Variants in ZNF692 observed in about 807,000 individuals in gnomAD.
The protein encoded by ZNF692 is AICAR responsive element binding protein.
Under a neutral mutation model 49.0 loss-of-function variants are expected in ZNF692, and 41 were observed. The observed-to-expected ratio is 0.84, with a 90% CI of 0.65 to 1.08. The LOEUF (loss-of-function observed/expected upper bound fraction) is 1.08. Among genes scored for constraint, ZNF692 ranks in the 50% least tolerant of loss-of-function variants. The pLI, the probability that ZNF692 is intolerant of heterozygous loss-of-function variation, is 0.00. For synonymous variants in ZNF692, 288 were observed against 251.5 expected, an observed-to-expected ratio of 1.15 and a Z score of -1.37; for missense variants, 662 against 662.2, an observed-to-expected ratio of 1.00 and a Z score of 0.00.
At position 248,858,658 on chromosome 1, in the gene ZNF692, T is replaced by C; in HGVS notation, c.-13+260A>G. 1 of 1,111,570 alleles carries C rather than the reference T, an allele frequency of 9.0e-7. No homozygotes were observed. The allele number at this position is 1,111,570 out of a possible 1,614,324, so 68.9% of individuals were successfully genotyped here. On this transcript the variant is annotated intron_variant, in intron 1 of 11. Transcript: ENST00000306601. The surrounding 1 kb of genome is among the most constrained non-coding windows in gnomAD (Gnocchi z 4.3). ...AACTGGGCTGGGGGCGGTCCACACA[T>C]TTCATCTTGAATAGGGCAGCGGCCT...
At chr1:248,857,094 G>T in intron 4 of ZNF692, 140 bp downstream of exon 4, 1 of 888,372 alleles carries the variant, frequency 1.1e-6, no homozygotes, top group Non-Finnish European at 1.7e-6. Context: ...ATGCCCAACA[G>T]TGTATTTGAT....
rs1558263303 is a variant in ZNF692, at chr1:248,858,492, G to C, written c.-12-171C>G. 1 of 1,551,760 alleles carries C rather than the reference G, an allele frequency of 6.4e-7. No individual in the cohort carries two copies. Among genetic ancestry groups the C allele is most frequent in the Middle Eastern group, 1.7e-4 (1 of 5,992 alleles). On this transcript the variant is annotated intron_variant, in intron 1 of 11. Coordinates refer to ENST00000306601, the MANE Select transcript of ZNF692 (RefSeq NM_017865.4). The surrounding 1 kb of genome is among the most constrained non-coding windows in gnomAD (Gnocchi z 4.3). ...AAACCCCGTCCTTCTATGATACAGG[G>C]TGTTGAAGCTCAGCGCTACCATGTG...
At chr1:248,851,079 C>T in intron 10 of ZNF692, 1 of 550,178 alleles carries the variant, frequency 1.8e-6, no homozygotes, top group Non-Finnish European at 3.5e-6. Context: ...CCCACCTCAG[C>T]CTCTAGGCTG....
At position 248,854,046 on chromosome 1, in the gene ZNF692, G is replaced by C; in HGVS notation, c.1044C>G (p.His348Gln). 1.2e-6 allele frequency: 2 copies of C among 1,613,904 alleles called. No individual in the cohort carries two copies. The highest frequency in any genetic ancestry group is 1.7e-6 in the Non-Finnish European group (2 of 1,179,780). The change falls in exon 10 of 12, where the codon CAC becomes CAG. Residue 348 changes from histidine (H) to glutamine (Q), a missense_variant. By Grantham distance (24) the His-to-Gln change is conservative. Transcript: ENST00000306601. ...IFSNRQYLNH[H>Q]KKYQHIHQKS... ...TCTGGTGGATGTGCTGGTACTTTTT[G>C]TGGTGCTAGAGAAGGAAGTGGGTGG... is the stretch of plus-strand genomic sequence containing the variant.
chr1:248,851,717 C>T (rs944544886), intron 10 of ZNF692, among the ~76,000 whole-genome samples: 17 of 152,176 alleles, frequency 1.1e-4, no homozygotes, highest in African/African-American at 3.6e-4. Flanking sequence ...CCCTCCTCAG[C>T]CACCAGTCTC....
Position 248,850,269 on chromosome 1 carries a change from T to C in ZNF692, c.1501A>G (p.Ser501Gly). ...GATGCAGAGGGCCTGGACCCCTCGC[T>C]GGATCCCAGAGGCCCAGGGGCAGAG... Reference protein sequence around the residue: ...SISAPGPLGSSEGSRPSASPQ... With the variant: ...SISAPGPLGSGEGSRPSASPQ... The change falls in exon 12 of 12, where the codon AGC (serine) becomes GGC (glycine). Residue 501 changes from serine (S) to glycine (G), a missense_variant. By Grantham distance (56) the Ser-to-Gly change is moderately conservative. Coordinates refer to ENST00000306601, the MANE Select transcript of ZNF692 (RefSeq NM_017865.4). 1 of 1,599,746 alleles carries C rather than the reference T, an allele frequency of 6.3e-7. No individual in the cohort carries two copies. The highest frequency in any genetic ancestry group is 8.5e-7 in the Non-Finnish European group (1 of 1,171,444).
At chr1:248,853,759 A>G (rs186103303) in intron 10 of ZNF692, among the ~76,000 whole-genome samples, 178 bp downstream of exon 10, 1 of 152,344 alleles carries the variant, frequency 6.6e-6, no homozygotes, top group Admixed American at 6.5e-5. Flanking sequence ...TGCTCAACAC[A>G]CAGGGCATAC....
chr1:248,855,109 A>G (rs1473557080), intron 9 of ZNF692, among the ~76,000 whole-genome samples: 1 of 152,188 alleles, frequency 6.6e-6, no homozygotes, highest in Non-Finnish European at 1.5e-5. Flanking sequence ...ATGGACTCTG[A>G]AGCCAGGCCA....
At chr1:248,852,814 C>T (rs1659752906) in intron 10 of ZNF692, among the ~76,000 whole-genome samples, 1 of 152,184 alleles carries the variant, frequency 6.6e-6, no homozygotes, top group Non-Finnish European at 1.5e-5. Context: ...CACTACTCAC[C>T]TGACCTGCCC....
At position 248,850,402 on chromosome 1, in the gene ZNF692, G is replaced by A; in HGVS notation, c.1368C>T (p.Arg456=). 2 of 1,614,192 alleles carry A rather than the reference G, an allele frequency of 1.2e-6. No individual in the cohort carries two copies. The highest frequency in any genetic ancestry group is 1.7e-6 in the Non-Finnish European group (2 of 1,180,030). ...CTGCAACACTGTCTGGCTTCTCAAA[G>A]CGCTTGCCGCAGAATTCACAGGGGA... ...LRFPCEFCGK[R]FEKPDSVAAH... Residue 456 remains arginine (R), a synonymous_variant, in exon 12 of 12, where the codon CGC becomes CGT. Transcript: ENST00000306601.
rs560193595 is a variant in ZNF692 at position 248,850,303 on chromosome 1, A to G, written c.1467T>C (p.Cys489=). The change falls in exon 12 of 12, where the codon TGT becomes TGC. Residue 489 remains cysteine (C), a synonymous_variant. Transcript: ENST00000306601. ...GAGGCCCAGGGGCAGAGATGCTGGG[A>G]CAGGGCTCTAGGGGACCACTGGGTG... is the stretch of plus-strand genomic sequence containing the variant. ...QESPSGPLEP[C]PSISAPGPLG... 3.7e-6 allele frequency: 6 copies of G among 1,612,532 alleles called. No homozygotes were observed. Among genetic ancestry groups the G allele is most frequent in the Admixed American group, 1.7e-5 (1 of 59,880 alleles).
chr1:248,857,210 T>A (rs769673213), intron 4 of ZNF692, 24 bp downstream of exon 4: 1 of 1,599,396 alleles, frequency 6.3e-7, no homozygotes, highest in Non-Finnish European at 8.5e-7. Context: ...CTTTTCTCCA[T>A]AACTCTGCTT....
rs924999726 is a variant in ZNF692 at position 248,858,260 on chromosome 1, C to G, written c.50G>C (p.Arg17Pro). The change falls in exon 2 of 12, where the codon CGG becomes CCG. Residue 17 changes from arginine to proline, a missense_variant. Arg to Pro is a moderately radical substitution (Grantham distance 103). Transcript: ENST00000306601. The surrounding 1 kb of genome is among the most constrained non-coding windows in gnomAD (Gnocchi z 4.3). ...VDVSCRRREK[R>P]RQLDARRSKC... is the part of the protein sequence containing the mutation. ...GCTGCGGCGCGCGTCCAGCTGCCGC[C>G]GCTTCTCCCGCCGCCTGCAGGACAC... The G allele has an allele frequency of 1.9e-6, 3 of 1,581,362 alleles. No individual in the cohort carries two copies. The highest frequency in any genetic ancestry group is 2.3e-5 in the South Asian group (2 of 88,616).
intron 7 of ZNF692, 33 bp from the exon 8 acceptor site, chr1:248,855,668 G>A (rs1018346979): frequency 3.1e-6 from 5 of 1,614,028 alleles, no homozygotes; most frequent in African/African-American, 1.3e-5. Context: ...AGAGGGCCTC[G>A]AGGGAGGGCC....
Position 248,850,083 on chromosome 1 carries a change from C to A in ZNF692, c.*127G>T, listed in dbSNP as rs556030613. ...CTCCCCTACAGCCCAGTCTTGCCCC[C>A]ACCCTGCACTCTGTCGCCTTAGTTC... On this transcript the variant is annotated 3_prime_UTR_variant, in exon 12 of 12. Coordinates refer to ENST00000306601, the MANE Select transcript of ZNF692 (RefSeq NM_017865.4). The A allele has an allele frequency of 2.4e-5, 26 of 1,075,358 alleles. 1 individual carries two copies. The South Asian group carries it at 3.0e-4, about 12-fold the overall frequency. 66.6% of individuals were successfully genotyped at this position (1,075,358 alleles called of 1,614,324 possible).
At chr1:248,855,687 G>T (rs1331922922) in intron 7 of ZNF692, 38 bp downstream of exon 7, 21 of 1,614,000 alleles carry the variant, frequency 1.3e-5, no homozygotes, top group Non-Finnish European at 1.6e-5. Context: ...CCACATCCCA[G>T]GACGCCCCTG....
intron 9 of ZNF692, 183 bp from the exon 10 acceptor site, chr1:248,854,234 G>T (rs1572220874): frequency 1.7e-6 from 1 of 578,944 alleles, no homozygotes; most frequent in Non-Finnish European, 3.1e-6. Flanking sequence ...CCTACACCAT[G>T]AGTACCACAC....
intron 10 of ZNF692, among the ~76,000 whole-genome samples, chr1:248,852,406 A>C (rs1160613075): frequency 1.3e-5 from 2 of 151,858 alleles, no homozygotes; most frequent in Non-Finnish European, 2.9e-5. Flanking sequence ...GCAGCCCTCC[A>C]CTGTGCCCCT....
chr1:248,850,081 C>A lies in ZNF692; in HGVS notation c.*129G>T. 2.8e-6 allele frequency: 3 copies of A among 1,058,040 alleles called. No homozygotes were observed. The South Asian group carries it at 5.7e-5, about 20-fold the overall frequency. 65.5% of individuals were successfully genotyped at this position (1,058,040 alleles called of 1,614,324 possible). On this transcript the variant is annotated 3_prime_UTR_variant, in exon 12 of 12. Transcript: ENST00000306601. ...AGCTCCCCTACAGCCCAGTCTTGCC[C>A]CCACCCTGCACTCTGTCGCCTTAGT...
Sources: allele counts gnomAD v4.1 joint callset (sites outside exome capture counted in the v4.1 genomes callset), GRCh38; gene constraint gnomAD v4.1.1; non-coding constraint Gnocchi (gnomAD v3.1); transcripts MANE v1.5; gene names NCBI Gene and HGNC (gene_info 2026-07-23, HGNC 2026-07-21).